Variants in DYM observed in about 807,000 individuals in gnomAD.
DYM encodes the protein dyggve-Melchior-Clausen syndrome protein.
A neutral mutation model predicts 93.1 loss-of-function variants in DYM; 78 were observed. That is an observed-to-expected ratio of 0.84 (90% CI 0.70 to 1.01). The LOEUF (loss-of-function observed/expected upper bound fraction) is 1.01. DYM is among the 50% of genes least tolerant of loss of function. The probability of loss-of-function intolerance (pLI) is 0.00; values close to 1 mark genes in which losing one functional copy is unlikely to be tolerated. For missense variants in DYM, 789 were observed against 845.0 expected (o/e 0.93, Z 0.82); for synonymous variants, 321 against 319.7 (o/e 1.00, Z -0.04).
intron 1 of DYM, among the ~76,000 whole-genome samples, chr18:49,455,930 C>G (rs976908509): frequency 2.0e-5 from 3 of 150,672 alleles, no homozygotes; most frequent in African/African-American, 7.3e-5. Context: ...GCCTGAGCAA[C>G]AGAGTCAGAC....
At chr18:49,218,111 T>C (rs942380007) in intron 13 of DYM, among the ~76,000 whole-genome samples, 4 of 152,064 alleles carry the variant, frequency 2.6e-5, no homozygotes, top group African/African-American at 7.3e-5. Context: ...AATCCTAGTG[T>C]CTGATAAAAC....
intron 8 of DYM, among the ~76,000 whole-genome samples, chr18:49,293,537 TATCTC>T (rs1441807461): frequency 6.6e-6 from 1 of 152,242 alleles, no homozygotes; most frequent in Admixed American, 6.5e-5. Flanking sequence ...CATGAGATGG[TATCTC>T]ATTGTGGTTT....
At chr18:49,103,778 T>C (rs1437229556) in intron 16 of DYM, among the ~76,000 whole-genome samples, 3 of 152,320 alleles carry the variant, frequency 2.0e-5, no homozygotes, top group African/African-American at 7.2e-5. Context: ...TATGTCTCTG[T>C]TTTGGTACCA....
rs779910048 is a variant in DYM, at chr18:49,067,288, GAGCA to G, written c.2026-23088_2026-23085del. Among the ~76,000 whole-genome samples the G allele has an allele frequency of 3.1e-3, 288 of 91,860 alleles. 1 individual carries two copies. Among genetic ancestry groups the G allele is most frequent in the African/African-American group, 0.011 (268 of 23,692 alleles). The allele number at this position is 91,860 out of a possible 152,430, so 60.3% of individuals were successfully genotyped here. A position where few individuals can be genotyped will look rare whatever the true frequency, so the allele number is the denominator to read the frequency against. ...AGTAGGGGAAGGAATGGGGTGATGT[GAGCA>G]CTATGGAGGTTCAGTAGAGGAAGGA... On this transcript the variant is annotated intron_variant, in intron 17 of 17. Coordinates refer to ENST00000675505, the MANE Select transcript of DYM (RefSeq NM_001353214.3).
intron 13 of DYM, among the ~76,000 whole-genome samples, chr18:49,232,439 G>A (rs1218061525): frequency 6.6e-6 from 1 of 150,498 alleles, no homozygotes; most frequent in African/African-American, 2.4e-5. Flanking sequence ...GAGTAGCTAG[G>A]ACTACAGGCA....
intron 14 of DYM, among the ~76,000 whole-genome samples, chr18:49,164,254 A>C (rs1486795191): frequency 6.6e-6 from 1 of 152,200 alleles, no homozygotes; most frequent in East Asian, 1.9e-4. Flanking sequence ...ATAATGATTC[A>C]AAATGTTTTA....
chr18:49,078,870 G>C (rs1221493129), intron 17 of DYM, among the ~76,000 whole-genome samples: 6 of 152,198 alleles, frequency 3.9e-5, no homozygotes, highest in Admixed American at 2.0e-4. Context: ...TGCTCAGCCT[G>C]AAGAACTTCC....
intron 17 of DYM, among the ~76,000 whole-genome samples, chr18:49,056,973 G>A (rs1267102583): frequency 6.6e-6 from 1 of 152,208 alleles, no homozygotes; most frequent in African/African-American, 2.4e-5. Context: ...GGGACTACAG[G>A]TATGAGCCAT....
At chr18:49,250,242 A>T (rs530036717) in intron 13 of DYM, among the ~76,000 whole-genome samples, 1 of 152,370 alleles carries the variant, frequency 6.6e-6, no homozygotes, top group East Asian at 1.9e-4. Flanking sequence ...AAAGTAATGC[A>T]AAGAAATATA....
intron 13 of DYM, among the ~76,000 whole-genome samples, chr18:49,228,332 ACTTC>A (rs918340740): frequency 2.0e-5 from 3 of 152,158 alleles, no homozygotes; most frequent in Non-Finnish European, 4.4e-5. Flanking sequence ...ACATAAAATT[ACTTC>A]CTTCCTTAGG....
At position 49,442,617 on chromosome 18, in the gene DYM, A is replaced by C. The variant is rs575967833; in HGVS notation, c.-53-12170T>G. Among the ~76,000 whole-genome samples the C allele has an allele frequency of 5.3e-5, 8 of 152,248 alleles. No homozygotes were observed. The South Asian group carries it at 1.2e-3, about 24-fold the overall frequency. The stretch of plus-strand genomic sequence containing the variant: ...TCATAGAAAACAGATGATTCTAAGA[A>C]AAAATTAAAAACTAAAATATCTTTA... On this transcript the variant is annotated intron_variant, in intron 1 of 17. Transcript: ENST00000675505.
chr18:49,253,340 G>A (rs1013341663), intron 13 of DYM, among the ~76,000 whole-genome samples: 1 of 152,060 alleles, frequency 6.6e-6, no homozygotes, highest in African/African-American at 2.4e-5. Context: ...AACAGTTTTT[G>A]TCATGCATCC....
intron 2 of DYM, among the ~76,000 whole-genome samples, chr18:49,425,481 T>C (rs1232093307): frequency 1.3e-5 from 2 of 152,088 alleles, no homozygotes; most frequent in Non-Finnish European, 2.9e-5. Flanking sequence ...GACATAGGCA[T>C]GGGCAAGGAC....
intron 13 of DYM, among the ~76,000 whole-genome samples, chr18:49,253,624 A>C (rs2094333603): frequency 1.3e-5 from 2 of 152,186 alleles, no homozygotes; most frequent in South Asian, 4.1e-4. Context: ...CTCCTGCATG[A>C]CACGATGCTC....
chr18:49,433,772 G>A (rs1013035979), intron 1 of DYM, among the ~76,000 whole-genome samples: 6 of 152,094 alleles, frequency 3.9e-5, no homozygotes. Flanking sequence ...GGAGGCTAAG[G>A]CACGAGAATC....
chr18:49,135,182 A>T (rs1224427614), intron 15 of DYM, among the ~76,000 whole-genome samples: 2 of 152,168 alleles, frequency 1.3e-5, no homozygotes, highest in Non-Finnish European at 2.9e-5. Flanking sequence ...AAAGAGAAAA[A>T]ATGACTATTT....
intron 8 of DYM, among the ~76,000 whole-genome samples, chr18:49,317,683 T>TC (rs1242610426): frequency 1.7e-4 from 22 of 130,170 alleles, no homozygotes; most frequent in African/African-American, 6.0e-4. Flanking sequence ...CTTCCTTCCT[T>TC]CCTTCCTTTC....
intron 2 of DYM, among the ~76,000 whole-genome samples, chr18:49,402,558 AC>A (rs1172397425): frequency 6.6e-6 from 1 of 152,188 alleles, no homozygotes; most frequent in Non-Finnish European, 1.5e-5. Flanking sequence ...ATTTTGATGA[AC>A]CACTAACTGT....
chr18:49,372,672 G>C (rs2067155147), intron 5 of DYM, among the ~76,000 whole-genome samples: 2 of 152,198 alleles, frequency 1.3e-5, no homozygotes, highest in Admixed American at 6.5e-5. Flanking sequence ...TTGAACCTGG[G>C]AGGTGGAAGC....
Sources: gnomAD v4.1 joint callset for allele counts (sites outside exome capture counted in the v4.1 genomes callset) on GRCh38, gnomAD v4.1.1 for gene constraint, MANE v1.5 for transcripts, NCBI Gene and HGNC (gene_info 2026-07-23, HGNC 2026-07-21) for gene names.